The following SEC14L1 variants were observed in gnomAD, a reference collection of about 807,000 sequenced individuals.
SEC14L1 encodes SEC14 like lipid binding 1.
Under a neutral mutation model 85.3 loss-of-function variants are expected in SEC14L1, and 48 were observed. That is an observed-to-expected ratio of 0.56 (90% CI 0.45 to 0.72). The LOEUF (loss-of-function observed/expected upper bound fraction) is 0.72, where lower values mean the gene tolerates loss of function less well. Among genes scored for constraint, SEC14L1 ranks in the 30% least tolerant of loss-of-function variants. The pLI, the probability that SEC14L1 is intolerant of heterozygous loss-of-function variation, is 0.00. For missense variants in SEC14L1, 682 were observed against 921.4 expected, an observed-to-expected ratio of 0.74 and a Z score of 3.36; for synonymous variants, 391 against 355.5, an observed-to-expected ratio of 1.10 and a Z score of -1.12.
intron 3 of SEC14L1, among the ~76,000 whole-genome samples, chr17:77,095,574 T>G (rs1971622379): frequency 6.6e-6 from 1 of 152,164 alleles, no homozygotes; most frequent in African/African-American, 2.4e-5. Context: ...GCGCCTGTAA[T>G]CCCAGCACTT....
chr17:77,141,179 C>T (rs1448411737), intron 1 of SEC14L1, 72 bp downstream of exon 1: 1 of 151,902 alleles, frequency 6.6e-6, no homozygotes, highest in Non-Finnish European at 1.5e-5. Flanking sequence ...TCCGGCGCCT[C>T]TCGGGCGGGC....
At chr17:77,181,696 G>C (rs921591370) in intron 3 of SEC14L1, among the ~76,000 whole-genome samples, 1 of 152,162 alleles carries the variant, frequency 6.6e-6, no homozygotes, top group Non-Finnish European at 1.5e-5. Context: ...GGTTACAGGC[G>C]TGAGCCACCC....
intron 2 of SEC14L1, chr17:77,089,618 A>G: frequency 2.4e-6 from 1 of 415,066 alleles, no homozygotes; most frequent in Non-Finnish European, 4.8e-6. Context: ...GCCTGACATC[A>G]TGTTAAATGT....
intron 3 of SEC14L1, among the ~76,000 whole-genome samples, chr17:77,175,987 A>G (rs1375538252): frequency 6.6e-6 from 1 of 152,180 alleles, no homozygotes; most frequent in Non-Finnish European, 1.5e-5. Context: ...TGGGCATGAT[A>G]GTGTAGAAAA....
intron 3 of SEC14L1, among the ~76,000 whole-genome samples, chr17:77,099,664 G>A (rs1971722151): frequency 6.6e-6 from 1 of 152,206 alleles, no homozygotes; most frequent in African/African-American, 2.4e-5. Context: ...GCTGAGGCAG[G>A]AGAATCACTT....
chr17:77,125,492 A>G (rs892515706), intron 3 of SEC14L1, among the ~76,000 whole-genome samples: 1 of 151,810 alleles, frequency 6.6e-6, no homozygotes, highest in African/African-American at 2.4e-5. Flanking sequence ...GCTATGCTAT[A>G]AATCACAGAA....
At chr17:77,113,455 G>A (rs900411761) in intron 3 of SEC14L1, among the ~76,000 whole-genome samples, 4 of 151,874 alleles carry the variant, frequency 2.6e-5, no homozygotes, top group Non-Finnish European at 2.9e-5. Context: ...GATAAAGAAC[G>A]AGTTAAGGCT....
At chr17:77,154,518 A>G (rs759711007) in intron 3 of SEC14L1, among the ~76,000 whole-genome samples, 36 of 151,602 alleles carry the variant, frequency 2.4e-4, no homozygotes, top group African/African-American at 7.8e-4. Flanking sequence ...TGTAAATGCC[A>G]CTCCATTTTT....
chr17:77,214,802 G>GA lies in SEC14L1; in HGVS notation c.*779_*780insA. The GA allele has an allele frequency of 4.1e-6, 4 of 985,440 alleles. No homozygotes were observed. Among genetic ancestry groups the GA allele is most frequent in the Non-Finnish European group, 4.8e-6 (4 of 830,006 alleles). The allele number at this position is 985,440 out of a possible 1,614,324, so 61.0% of individuals were successfully genotyped here. A position where few individuals can be genotyped will look rare whatever the true frequency, so the allele number is the denominator to read the frequency against. Reference sequence around the variant, plus strand: ...GGGGGTTCTTCCCGTTTCCTTCCGTGCGTCGCCCCTCTCACCTGCAGTCAG... The same window carrying GA: ...GGGGGTTCTTCCCGTTTCCTTCCGTGACGTCGCCCCTCTCACCTGCAGTCAG... On this transcript the variant is annotated 3_prime_UTR_variant, in exon 17 of 17. Coordinates refer to ENST00000436233, the MANE Select transcript of SEC14L1 (RefSeq NM_001143998.2).
At position 77,214,087 on chromosome 17, in the gene SEC14L1, A is replaced by T. The variant is rs1976918813; in HGVS notation, c.*64A>T. The T allele has an allele frequency of 1.9e-6, 3 of 1,566,906 alleles. No homozygotes were observed. The highest frequency in any genetic ancestry group is 2.6e-6 in the Non-Finnish European group (3 of 1,156,104). ...CGCCCCTCCTCGGACAGCCAGCTGC[A>T]CCCGCCCACCCAGCGGCGACATTGT... On this transcript the variant is annotated 3_prime_UTR_variant, in exon 17 of 17. Coordinates refer to ENST00000436233, the MANE Select transcript of SEC14L1 (RefSeq NM_001143998.2).
chr17:77,135,104 G>A (rs1377429190), intron 3 of SEC14L1, among the ~76,000 whole-genome samples: 2 of 152,066 alleles, frequency 1.3e-5, no homozygotes, highest in African/African-American at 2.4e-5. Flanking sequence ...CTTATTTCTC[G>A]TTCTGTTACC....
intron 3 of SEC14L1, among the ~76,000 whole-genome samples, chr17:77,113,470 T>C (rs1317457054): frequency 6.6e-6 from 1 of 151,726 alleles, no homozygotes; most frequent in Non-Finnish European, 1.5e-5. Context: ...AAGGCTGGGC[T>C]CAGTGGCTCA....
rs866206223 is a variant in SEC14L1, at chr17:77,146,617, T to C, written c.63+2958T>C. ...TTCTTTCTTCTCCTTTTTTTTCTTT[T>C]TTTTATGATTTAAAACTTACTAGTT... On this transcript the variant is annotated intron_variant, in intron 3 of 16. Coordinates refer to ENST00000436233, the MANE Select transcript of SEC14L1 (RefSeq NM_001143998.2). Among the ~76,000 whole-genome samples, 4 of 152,280 alleles carry C rather than the reference T, an allele frequency of 2.6e-5. No homozygotes were observed. In the South Asian group the frequency reaches 8.3e-4, roughly 32 times the overall value.
rs1976965634 is a variant in SEC14L1, at chr17:77,214,957, A to T, written c.*934A>T. The T allele has an allele frequency of 4.1e-6, 4 of 985,404 alleles. No individual in the cohort carries two copies. The highest frequency in any genetic ancestry group is 4.8e-6 in the Non-Finnish European group (4 of 829,976). 61.0% of individuals were successfully genotyped at this position (985,404 alleles called of 1,614,324 possible). A position where few individuals can be genotyped will look rare whatever the true frequency, so the allele number is the denominator to read the frequency against. ...TCGCATTTGCCACTTGACACTGTCC[A>T]TGGGGTTTTATTAGTAGCTAAGCAG... On this transcript the variant is annotated 3_prime_UTR_variant, in exon 17 of 17. Coordinates refer to ENST00000436233, the MANE Select transcript of SEC14L1 (RefSeq NM_001143998.2).
chr17:77,209,077 G>A (rs1976608692), intron 13 of SEC14L1, among the ~76,000 whole-genome samples: 1 of 152,206 alleles, frequency 6.6e-6, no homozygotes, highest in Non-Finnish European at 1.5e-5. Flanking sequence ...ACTGGGTGCA[G>A]TGCCTCACGC....
chr17:77,137,487 A>G (rs887395587), upstream of SEC14L1, among the ~76,000 whole-genome samples: 3 of 152,198 alleles, frequency 2.0e-5, no homozygotes, highest in African/African-American at 7.2e-5. Context: ...GGGATGGCCC[A>G]AGCCATTCAT....
intron 3 of SEC14L1, among the ~76,000 whole-genome samples, chr17:77,175,368 G>T (rs1238768524): frequency 6.6e-6 from 1 of 152,210 alleles, no homozygotes. Context: ...CACAGAAGGG[G>T]GTGGGCTAGC....
At chr17:77,173,368 G>T (rs142556202) in intron 3 of SEC14L1, among the ~76,000 whole-genome samples, 3 of 151,834 alleles carry the variant, frequency 2.0e-5, no homozygotes, top group African/African-American at 7.3e-5. Flanking sequence ...AACGTGAGTC[G>T]GGGGAAGGGT....
intron 3 of SEC14L1, among the ~76,000 whole-genome samples, chr17:77,160,313 C>T (rs1421999325): frequency 1.3e-5 from 2 of 152,210 alleles, no homozygotes; most frequent in East Asian, 3.8e-4. Context: ...AAAGTAAAAC[C>T]GTACTCTGCC....
Sources: allele counts gnomAD v4.1 joint callset (sites outside exome capture counted in the v4.1 genomes callset), GRCh38; gene constraint gnomAD v4.1.1; transcripts MANE v1.5; gene names NCBI Gene and HGNC (gene_info 2026-07-23, HGNC 2026-07-21).